The following KLHL29 variants were observed in gnomAD, a reference collection of about 807,000 sequenced individuals.
The protein encoded by KLHL29 is kelch like family member 29.
KLHL29 carries 21 observed loss-of-function variants against 80.4 expected under a neutral mutation model. That is an observed-to-expected ratio of 0.26 (90% CI 0.19 to 0.38). The LOEUF is 0.38. Among genes scored for constraint, KLHL29 ranks in the 10% least tolerant of loss-of-function variants. The pLI is 1.00. For missense variants in KLHL29, 867 were observed against 1,223.9 expected, an observed-to-expected ratio of 0.71 and a Z score of 4.35; for synonymous variants, 511 against 526.8, an observed-to-expected ratio of 0.97 and a Z score of 0.41.
At chr2:23,445,769 AAACTT>A (rs1663655850) in intron 1 of KLHL29, among the ~76,000 whole-genome samples, 1 of 152,256 alleles carries the variant, frequency 6.6e-6, no homozygotes, top group Non-Finnish European at 1.5e-5. Flanking sequence ...AATGCTTGTC[AAACTT>A]AAGGCTCTTT....
At chr2:23,601,796 G>A (rs936647957) in intron 3 of KLHL29, among the ~76,000 whole-genome samples, 1 of 152,192 alleles carries the variant, frequency 6.6e-6, no homozygotes, top group Admixed American at 6.5e-5. Flanking sequence ...GTCTGATGGA[G>A]ACCCAGGGGT....
intron 1 of KLHL29, among the ~76,000 whole-genome samples, chr2:23,408,689 A>G (rs940081969): frequency 2.0e-5 from 3 of 152,200 alleles, no homozygotes; most frequent in African/African-American, 7.2e-5. Flanking sequence ...AAGGCCTTCA[A>G]ACATGTTGAA....
At chr2:23,390,989 A>G (rs1184439657) in intron 1 of KLHL29, among the ~76,000 whole-genome samples, 1 of 152,182 alleles carries the variant, frequency 6.6e-6, no homozygotes, top group Non-Finnish European at 1.5e-5. Flanking sequence ...ATTGTTGTGC[A>G]AGCAAGCTCC....
At chr2:23,694,893 C>T (rs530296552) in intron 8 of KLHL29, among the ~76,000 whole-genome samples, 1 of 152,254 alleles carries the variant, frequency 6.6e-6, no homozygotes, top group South Asian at 2.1e-4. Context: ...ATAGCAGATC[C>T]CCTCCCATTA....
intron 1 of KLHL29, among the ~76,000 whole-genome samples, chr2:23,431,901 C>CAA (rs11357606): frequency 1.2e-3 from 84 of 67,804 alleles, no homozygotes; most frequent in African/African-American, 1.4e-3. Flanking sequence ...GACTCCATCT[C>CAA]AAAAAAAAAA....
At chr2:23,532,058 A>G (rs1666505993) in intron 2 of KLHL29, among the ~76,000 whole-genome samples, 1 of 152,174 alleles carries the variant, frequency 6.6e-6, no homozygotes, top group African/African-American at 2.4e-5. Context: ...AGCATCTCAA[A>G]TAAGTCAGCA....
At position 23,406,560 on chromosome 2, in the gene KLHL29, C is replaced by A. The variant is rs184265292; in HGVS notation, c.-154+20780C>A. On this transcript the variant is annotated intron_variant, in intron 1 of 13. Transcript: ENST00000486442. ...GGATGGCTTCATTTATCCCATCCTGCCTGCATGCCATTCCCATCAGATGTA... is the reference window on the plus strand; with the variant it reads ...GGATGGCTTCATTTATCCCATCCTGACTGCATGCCATTCCCATCAGATGTA... 4.0e-3 allele frequency among the ~76,000 whole-genome samples: 612 copies of A among 152,232 alleles called. 10 individuals are homozygous for A. Among genetic ancestry groups the A allele is most frequent in the Non-Finnish European group, 1.9e-3 (132 of 68,022 alleles).
intron 1 of KLHL29, among the ~76,000 whole-genome samples, chr2:23,469,154 A>G (rs576725043): frequency 3.9e-5 from 6 of 152,362 alleles, no homozygotes; most frequent in Non-Finnish European, 8.8e-5. Flanking sequence ...AGCTGTGTCC[A>G]CACTGGAGTC....
chr2:23,555,126 C>G (rs981720841), intron 2 of KLHL29, among the ~76,000 whole-genome samples: 28 of 146,572 alleles, frequency 1.9e-4, no homozygotes, highest in South Asian at 8.6e-4. Context: ...GACCTCCCCC[C>G]CCCCCTCAAC....
intron 2 of KLHL29, among the ~76,000 whole-genome samples, chr2:23,548,366 CACACACAG>C (rs541360193): frequency 9.4e-4 from 143 of 151,894 alleles, no homozygotes; most frequent in African/African-American, 1.9e-3. Flanking sequence ...CACACACAGG[CACACACAG>C]ACACACAGAC....
chr2:23,687,755 G>A (rs1022532455), intron 6 of KLHL29, among the ~76,000 whole-genome samples: 2 of 152,182 alleles, frequency 1.3e-5, no homozygotes, highest in Non-Finnish European at 2.9e-5. Flanking sequence ...GTCGAAAGGC[G>A]GGAGGGGGTC....
At chr2:23,504,381 A>G (rs1389346583) in intron 2 of KLHL29, among the ~76,000 whole-genome samples, 1 of 152,196 alleles carries the variant, frequency 6.6e-6, no homozygotes, top group African/African-American at 2.4e-5. Context: ...ACTTCTAGGC[A>G]CTAAGAAGAG....
chr2:23,594,400 A>G (rs543621342), intron 3 of KLHL29, among the ~76,000 whole-genome samples: 1 of 152,044 alleles, frequency 6.6e-6, no homozygotes, highest in Non-Finnish European at 1.5e-5. Context: ...GACCAGGGAC[A>G]TTTCGTTCCT....
At chr2:23,525,750 G>A (rs1358884236) in intron 2 of KLHL29, among the ~76,000 whole-genome samples, 2 of 132,506 alleles carry the variant, frequency 1.5e-5, no homozygotes, top group Non-Finnish European at 3.1e-5. Context: ...CCCGAGGCGA[G>A]CCAGCAGAGC....
Position 23,495,256 on chromosome 2 carries a change from G to A in KLHL29, c.-46+19589G>A, listed in dbSNP as rs182579190. Among the ~76,000 whole-genome samples, 79 of 152,210 alleles carry A rather than the reference G, an allele frequency of 5.2e-4. 3 individuals are homozygous for A. The East Asian group carries it at 0.013, about 26-fold the overall frequency. Reference sequence around the variant, plus strand: ...TGCAGGAGGTGGTCCCTGTAGTGACGTTCTAGGAGGTGCCTCTGTGGGCTG... The same window carrying A: ...TGCAGGAGGTGGTCCCTGTAGTGACATTCTAGGAGGTGCCTCTGTGGGCTG... On this transcript the variant is annotated intron_variant, in intron 2 of 13. Transcript: ENST00000486442.
rs191014771 is a variant in KLHL29, at chr2:23,450,074, G to A, written c.-153-25486G>A. ...GACATCTCAAGCGGCAAGCTCGATCGCCAATTAAAAAGCTCATGTCCTCAA... is the reference window on the plus strand; with the variant it reads ...GACATCTCAAGCGGCAAGCTCGATCACCAATTAAAAAGCTCATGTCCTCAA... On this transcript the variant is annotated intron_variant, in intron 1 of 13. Transcript: ENST00000486442. Among the ~76,000 whole-genome samples, 666 of 152,242 alleles carry A rather than the reference G, an allele frequency of 4.4e-3. 2 individuals are homozygous for A. The highest frequency in any genetic ancestry group is 0.011 in the Admixed American group (171 of 15,294).
At chr2:23,501,597 G>A (rs181087040) in intron 2 of KLHL29, among the ~76,000 whole-genome samples, 1 of 152,260 alleles carries the variant, frequency 6.6e-6, no homozygotes, top group East Asian at 1.9e-4. Context: ...TTAGAACGCT[G>A]CTGTTTTTTC....
Position 23,696,226 on chromosome 2 carries a change from G to C in KLHL29, c.1924+93G>C. Reference sequence around the variant, plus strand: ...GGCTGAGGAAGGCCATGGCCCAGAAGTGTCTACTTTGCAGGTGAAGCCTTC... The same window carrying C: ...GGCTGAGGAAGGCCATGGCCCAGAACTGTCTACTTTGCAGGTGAAGCCTTC... On this transcript the variant is annotated intron_variant, in intron 10 of 13. Coordinates refer to ENST00000486442, the MANE Select transcript of KLHL29 (RefSeq NM_052920.2). This position sits in a 1 kb window ranked among gnomAD's most constrained non-coding sequence, Gnocchi z 5.5. 1.3e-6 allele frequency: 2 copies of C among 1,492,768 alleles called. No individual in the cohort carries two copies. The highest frequency in any genetic ancestry group is 1.8e-6 in the Non-Finnish European group (2 of 1,103,292). The allele number at this position is 1,492,768 out of a possible 1,614,324, so 92.5% of individuals were successfully genotyped here.
chr2:23,696,172 G>A lies in KLHL29; in HGVS notation c.1924+39G>A, dbSNP rs970283790. ...GGGTTGGGGCGGGACCAGGCATGGG[G>A]GTCCCAAGGGGACTGCTCCCCACGT... On this transcript the variant is annotated intron_variant, in intron 10 of 13. Transcript: ENST00000486442. The surrounding 1 kb of genome is among the most constrained non-coding windows in gnomAD (Gnocchi z 5.5). 3 of 1,534,962 alleles carry A rather than the reference G, an allele frequency of 2.0e-6. No homozygotes were observed. The highest frequency in any genetic ancestry group is 1.4e-5 in the African/African-American group (1 of 72,688).
Sources: allele counts gnomAD v4.1 joint callset (sites outside exome capture counted in the v4.1 genomes callset), GRCh38; gene constraint gnomAD v4.1.1; non-coding constraint Gnocchi (gnomAD v3.1); transcripts MANE v1.5; gene names NCBI Gene and HGNC (gene_info 2026-07-23, HGNC 2026-07-21).